STARD13: variants seen among roughly 807,000 people sequenced by gnomAD.
STARD13 encodes stAR-related lipid transfer protein 13.
Under a neutral mutation model 106.4 loss-of-function variants are expected in STARD13, and 62 were observed. The observed-to-expected ratio is 0.58, with a 90% CI of 0.48 to 0.72. STARD13 has a LOEUF of 0.72. Among genes scored for constraint, STARD13 ranks in the 30% least tolerant of loss-of-function variants. The pLI is 0.00. For synonymous variants in STARD13, 565 were observed against 553.0 expected, an observed-to-expected ratio of 1.02 and a Z score of -0.31; for missense variants, 1,387 against 1,424.0, an observed-to-expected ratio of 0.97 and a Z score of 0.42.
At chr13:33,309,729 G>A (rs1594246800) in intron 1 of STARD13, among the ~76,000 whole-genome samples, 1 of 152,166 alleles carries the variant, frequency 6.6e-6, no homozygotes, top group East Asian at 1.9e-4. Context: ...ACGTTTCTTA[G>A]ACTGCACATA....
At chr13:33,660,087 G>A in the STARD13 span, among the ~76,000 whole-genome samples, 2 of 152,184 alleles carry the variant, frequency 1.3e-5, no homozygotes, top group Non-Finnish European at 2.9e-5. Context: ...GAAGAGGCCA[G>A]GTAGGCAGGT....
chr13:33,471,776 C>T, the STARD13 span, among the ~76,000 whole-genome samples: 1 of 151,886 alleles, frequency 6.6e-6, no homozygotes, highest in Non-Finnish European at 1.5e-5. Context: ...AGGATCCTTT[C>T]AAAATGGTCA....
intron 12 of STARD13, among the ~76,000 whole-genome samples, chr13:33,109,176 C>A (rs544032485): frequency 6.6e-6 from 1 of 152,288 alleles, no homozygotes; most frequent in African/African-American, 2.4e-5. Context: ...ATATATTGAT[C>A]TAATTACCTT....
the STARD13 span, among the ~76,000 whole-genome samples, chr13:33,579,250 C>G: frequency 8.0e-3 from 1,210 of 152,166 alleles, 16 homozygotes; most frequent in African/African-American, 0.028. Flanking sequence ...TGAAACCAAC[C>G]TAAGTGCCCA....
At chr13:33,311,181 C>T (rs1893124508) in intron 1 of STARD13, among the ~76,000 whole-genome samples, 1 of 151,174 alleles carries the variant, frequency 6.6e-6, no homozygotes, top group Non-Finnish European at 1.5e-5. Context: ...CCTGTGGTCC[C>T]AGCTACTCGG....
intron 1 of STARD13, among the ~76,000 whole-genome samples, chr13:33,292,175 TG>T (rs1348491464): frequency 8.5e-5 from 13 of 152,138 alleles, no homozygotes; most frequent in Admixed American, 8.5e-4. Flanking sequence ...TTGCTGGAAG[TG>T]GGTGAGAATG....
At chr13:33,614,542 G>A in the STARD13 span, among the ~76,000 whole-genome samples, 2 of 152,094 alleles carry the variant, frequency 1.3e-5, no homozygotes, top group African/African-American at 4.8e-5. Flanking sequence ...AGAGCTCAAG[G>A]AGCTTCTGTA....
rs76864490 is a variant in STARD13, at chr13:33,139,464, C to T, written c.387+2846G>A. Among the ~76,000 whole-genome samples, 71 of 152,258 alleles carry T rather than the reference C, an allele frequency of 4.7e-4. No homozygotes were observed. In the East Asian group the frequency reaches 0.011, roughly 24 times the overall value. ...AGCACCTGCAACCCTTTCATAGGTC[C>T]GGCAGTCCCAAGGCACAATGATTGT... On this transcript the variant is annotated intron_variant, in intron 4 of 13. Transcript: ENST00000336934.
chr13:33,259,083 T>C (rs970658361), intron 1 of STARD13, among the ~76,000 whole-genome samples: 2 of 152,214 alleles, frequency 1.3e-5, no homozygotes, highest in African/African-American at 4.8e-5. Flanking sequence ...TGTACTTCTG[T>C]CCTGTACTAT....
At chr13:33,148,244 T>C (rs1880813098) in intron 3 of STARD13, among the ~76,000 whole-genome samples, 1 of 152,228 alleles carries the variant, frequency 6.6e-6, no homozygotes, top group Non-Finnish European at 1.5e-5. Flanking sequence ...TCAATACTTC[T>C]ACTTAGTTCT....
At chr13:33,185,168 C>G (rs1885633547) in intron 1 of STARD13, among the ~76,000 whole-genome samples, 1 of 152,170 alleles carries the variant, frequency 6.6e-6, no homozygotes, top group Non-Finnish European at 1.5e-5. Flanking sequence ...TCTGACTGCA[C>G]TCTAGACATT....
chr13:33,415,510 T>C, the STARD13 span, among the ~76,000 whole-genome samples: 1 of 152,232 alleles, frequency 6.6e-6, no homozygotes, highest in Non-Finnish European at 1.5e-5. Context: ...TATTATTCCA[T>C]AATTCTTAGG....
At chr13:33,454,946 C>A in the STARD13 span, among the ~76,000 whole-genome samples, 4,227 of 152,212 alleles carry the variant, frequency 0.028, 72 homozygotes, top group Middle Eastern at 0.085. Flanking sequence ...TGCACCAGGC[C>A]CTGGCCTACA....
At chr13:33,274,307 C>G (rs547187284) in intron 1 of STARD13, among the ~76,000 whole-genome samples, 92 of 152,032 alleles carry the variant, frequency 6.1e-4, no homozygotes, top group Middle Eastern at 3.4e-3. Flanking sequence ...GGTGTCTTTA[C>G]AAGAGGAGAT....
intron 1 of STARD13, among the ~76,000 whole-genome samples, chr13:33,305,966 GA>G (rs1330347561): frequency 6.6e-6 from 1 of 152,144 alleles, no homozygotes; most frequent in Non-Finnish European, 1.5e-5. Context: ...CACAGAATTA[GA>G]AAAAACTGCT....
the STARD13 span, among the ~76,000 whole-genome samples, chr13:33,599,973 A>G: frequency 6.6e-6 from 1 of 152,196 alleles, no homozygotes; most frequent in Admixed American, 6.5e-5. Context: ...CCTTTATACC[A>G]AAGAGATCCA....
chr13:33,455,771 AAAC>A, the STARD13 span, among the ~76,000 whole-genome samples: 48 of 152,038 alleles, frequency 3.2e-4, no homozygotes, highest in East Asian at 4.8e-3. Flanking sequence ...TCTACTAAAA[AAAC>A]AACAACAACA....
the STARD13 span, among the ~76,000 whole-genome samples, chr13:33,614,167 G>C: frequency 8.5e-5 from 13 of 152,052 alleles, no homozygotes; most frequent in Non-Finnish European, 1.8e-4. Context: ...GCTTCCTGAG[G>C]TAGAGCCCTT....
At chr13:33,551,555 G>T in the STARD13 span, among the ~76,000 whole-genome samples, 1 of 119,120 alleles carries the variant, frequency 8.4e-6, no homozygotes, top group South Asian at 3.0e-4. Context: ...CAAGAGACAA[G>T]CTTTTGCTTT....
Sources: allele counts gnomAD v4.1 joint callset (sites outside exome capture counted in the v4.1 genomes callset), GRCh38; gene constraint gnomAD v4.1.1; transcripts MANE v1.5; gene names NCBI Gene and HGNC (gene_info 2026-07-23, HGNC 2026-07-21).